PRKG1: variants seen among roughly 807,000 people sequenced by gnomAD.
PRKG1 encodes protein kinase cGMP-dependent 1.
PRKG1 carries 35 observed loss-of-function variants against 88.1 expected under a neutral mutation model. The ratio of observed to expected loss-of-function variants is 0.40; its 90% CI spans 0.30 to 0.53. PRKG1 has a LOEUF of 0.53. Ranked by LOEUF, PRKG1 falls within the 20% of genes least tolerant of loss-of-function variation. PRKG1 has a pLI of 0.59. For missense variants in PRKG1, 540 were observed against 839.8 expected (o/e 0.64, Z 4.41); for synonymous variants, 303 against 292.5 (o/e 1.04, Z -0.37).
At chr10:51,627,500 G>C (rs781615980) in intron 3 of PRKG1, among the ~76,000 whole-genome samples, 15 of 152,140 alleles carry the variant, frequency 9.9e-5, no homozygotes, top group Non-Finnish European at 1.5e-4. Flanking sequence ...TCTAAAGCCT[G>C]ACAATTTGGA....
intron 3 of PRKG1, among the ~76,000 whole-genome samples, chr10:51,723,303 C>T (rs10999091): frequency 0.44 from 67,177 of 151,904 alleles, 15,461 homozygotes; most frequent in Middle Eastern, 0.57. Context: ...ATAAAAAGGA[C>T]GAGTTCATGT....
At chr10:52,192,445 A>G (rs1839390714) in intron 9 of PRKG1, among the ~76,000 whole-genome samples, 1 of 152,128 alleles carries the variant, frequency 6.6e-6, no homozygotes, top group Non-Finnish European at 1.5e-5. Context: ...TTTAACTCAC[A>G]GTATGCTCTA....
intron 5 of PRKG1, among the ~76,000 whole-genome samples, chr10:52,001,837 C>A (rs561042474): frequency 6.6e-6 from 1 of 152,062 alleles, no homozygotes; most frequent in South Asian, 2.1e-4. Context: ...GAATTTAGAA[C>A]TATAAAATGG....
At chr10:51,820,241 G>A (rs556041850) in intron 4 of PRKG1, among the ~76,000 whole-genome samples, 20 of 152,182 alleles carry the variant, frequency 1.3e-4, no homozygotes, top group African/African-American at 4.6e-4. Flanking sequence ...CAGCTTTAGT[G>A]TTGCTGATAA....
chr10:51,659,178 A>T (rs1317248351), intron 3 of PRKG1, among the ~76,000 whole-genome samples: 1 of 152,084 alleles, frequency 6.6e-6, no homozygotes, highest in Non-Finnish European at 1.5e-5. Context: ...ATTCTTAGGG[A>T]TTCTAGAAAA....
intron 2 of PRKG1, among the ~76,000 whole-genome samples, chr10:51,177,801 T>C (rs1281888426): frequency 6.6e-6 from 1 of 152,016 alleles, no homozygotes; most frequent in Admixed American, 6.6e-5. Context: ...ACCTAATTAA[T>C]GTGAATAGTA....
intron 9 of PRKG1, among the ~76,000 whole-genome samples, chr10:52,191,891 T>G (rs947426997): frequency 1.3e-5 from 2 of 152,122 alleles, no homozygotes; most frequent in Non-Finnish European, 2.9e-5. Flanking sequence ...ATTCCATCTA[T>G]TAATTGGAAT....
chr10:51,000,895 C>G (rs1428168714), intron 1 of PRKG1, among the ~76,000 whole-genome samples: 1 of 152,138 alleles, frequency 6.6e-6, no homozygotes, highest in South Asian at 2.1e-4. Flanking sequence ...CTCCCCACTG[C>G]CCTGTTTGAA....
At chr10:51,690,308 T>C (rs1388265843) in intron 3 of PRKG1, among the ~76,000 whole-genome samples, 1 of 152,176 alleles carries the variant, frequency 6.6e-6, no homozygotes, top group Non-Finnish European at 1.5e-5. Context: ...TATTTCAATA[T>C]GAGATTTGGG....
At chr10:51,890,974 T>C (rs1841705148) in intron 4 of PRKG1, among the ~76,000 whole-genome samples, 1 of 152,040 alleles carries the variant, frequency 6.6e-6, no homozygotes, top group Non-Finnish European at 1.5e-5. Context: ...CATACATATA[T>C]ATTAGGGCTA....
intron 2 of PRKG1, among the ~76,000 whole-genome samples, chr10:51,465,980 A>G (rs1202018388): frequency 1.3e-5 from 2 of 152,188 alleles, no homozygotes; most frequent in Admixed American, 6.5e-5. Flanking sequence ...CTTTTATTGT[A>G]TCTATTTCAC....
chr10:52,150,868 T>A (rs1333105196), intron 8 of PRKG1, among the ~76,000 whole-genome samples: 1 of 152,126 alleles, frequency 6.6e-6, no homozygotes, highest in Non-Finnish European at 1.5e-5. Context: ...CCAGAAGCAG[T>A]TTTTAAATAG....
chr10:51,286,792 C>T (rs1840452373), intron 2 of PRKG1, among the ~76,000 whole-genome samples: 1 of 152,180 alleles, frequency 6.6e-6, no homozygotes, highest in South Asian at 2.1e-4. Flanking sequence ...CTTATTCCTC[C>T]TATCTAGCTG....
intron 3 of PRKG1, among the ~76,000 whole-genome samples, chr10:51,546,402 A>C (rs141493562): frequency 6.6e-6 from 1 of 152,220 alleles, no homozygotes; most frequent in East Asian, 1.9e-4. Flanking sequence ...ACTAATTTGT[A>C]TTAATTCTTA....
At position 52,055,345 on chromosome 10, in the gene PRKG1, T is replaced by A. The variant is rs115545755; in HGVS notation, c.840+784T>A. On this transcript the variant is annotated intron_variant, in intron 6 of 17. Coordinates refer to ENST00000373980, the MANE Select transcript of PRKG1 (RefSeq NM_006258.4). Reference sequence around the variant, plus strand: ...ATAGATATACATTAATGTTTTAAGTTATTTTCATAAAGAAATATTGATAGT... The same window carrying A: ...ATAGATATACATTAATGTTTTAAGTAATTTTCATAAAGAAATATTGATAGT... Among the ~76,000 whole-genome samples the A allele has an allele frequency of 8.8e-3, 1,345 of 152,320 alleles. 17 individuals carry two copies. The highest frequency in any genetic ancestry group is 0.03 in the African/African-American group (1,242 of 41,568).
chr10:51,220,424 G>A (rs1041107221), intron 2 of PRKG1, among the ~76,000 whole-genome samples: 1 of 152,066 alleles, frequency 6.6e-6, no homozygotes, highest in African/African-American at 2.4e-5. Context: ...AATTTTGAAG[G>A]GTGTGTTTTA....
chr10:52,264,836 T>G (rs1043130119), intron 10 of PRKG1, among the ~76,000 whole-genome samples: 2 of 152,048 alleles, frequency 1.3e-5, no homozygotes, highest in Non-Finnish European at 2.9e-5. Context: ...CCTTCATATG[T>G]TGGGGTTGAG....
intron 3 of PRKG1, among the ~76,000 whole-genome samples, chr10:51,700,932 TAAAA>T (rs1012003554): frequency 6.6e-6 from 1 of 151,950 alleles, no homozygotes; most frequent in African/African-American, 2.4e-5. Context: ...TAAAAACAAA[TAAAA>T]AGAAAGTATT....
chr10:52,133,339 A>G (rs1039478528), intron 7 of PRKG1, among the ~76,000 whole-genome samples: 3 of 152,148 alleles, frequency 2.0e-5, no homozygotes, highest in African/African-American at 4.8e-5. Flanking sequence ...ATGAATGACT[A>G]TGTGCCATAA....
Sources: allele counts gnomAD v4.1 joint callset (sites outside exome capture counted in the v4.1 genomes callset), GRCh38; gene constraint gnomAD v4.1.1; transcripts MANE v1.5; gene names NCBI Gene and HGNC (gene_info 2026-07-23, HGNC 2026-07-21).